CTDSP2: variants seen among roughly 807,000 people sequenced by gnomAD.
The protein encoded by CTDSP2 is CTD small phosphatase 2.
Under a neutral mutation model 31.6 loss-of-function variants are expected in CTDSP2, and 9 were observed. The observed-to-expected ratio is 0.28, with a 90% CI of 0.17 to 0.50. CTDSP2 has a LOEUF of 0.50. CTDSP2 is among the 20% of genes least tolerant of loss of function. The pLI is 0.98. For missense variants in CTDSP2, 267 were observed against 348.5 expected (o/e 0.77, Z 1.86); for synonymous variants, 134 against 134.5 (o/e 1.00, Z 0.03).
intron 1 of CTDSP2, 151 bp from the exon 2 acceptor site, chr12:57,829,747 A>T (rs1956204014): frequency 1.7e-6 from 1 of 594,952 alleles, no homozygotes; most frequent in African/African-American, 1.8e-5. Flanking sequence ...TAACAGTCAA[A>T]CATACATGTT....
Position 57,846,440 on chromosome 12 carries a change from C to A in CTDSP2, c.-5G>T. ...GATGATGGAGCCGTGTTCCATCTAA[C>A]AATCCCGCGGGCCCGGGCTGGCTGG... is the stretch of plus-strand genomic sequence containing the variant. On this transcript the variant is annotated 5_prime_UTR_variant, in exon 1 of 8. Transcript: ENST00000398073. 2 of 1,592,220 alleles carry A rather than the reference C, an allele frequency of 1.3e-6. No homozygotes were observed. The highest frequency in any genetic ancestry group is 8.5e-7 in the Non-Finnish European group (1 of 1,170,298).
intron 1 of CTDSP2, among the ~76,000 whole-genome samples, chr12:57,830,991 G>A (rs932909165): frequency 6.0e-5 from 9 of 149,980 alleles, no homozygotes; most frequent in African/African-American, 1.5e-4. Context: ...CAGGTGATCC[G>A]CCCATCTCGG....
intron 1 of CTDSP2, among the ~76,000 whole-genome samples, chr12:57,832,524 GC>G (rs1206846839): frequency 6.6e-6 from 1 of 152,030 alleles, no homozygotes; most frequent in African/African-American, 2.4e-5. Flanking sequence ...GGTCGTGGTG[GC>G]TCACACCTGA....
chr12:57,827,497 G>A (rs1442670471), intron 3 of CTDSP2, 55 bp downstream of exon 3: 3 of 1,594,772 alleles, frequency 1.9e-6, no homozygotes, highest in South Asian at 1.1e-5. Flanking sequence ...CCGTGGAGCT[G>A]GCAGGGATCA....
At chr12:57,828,237 T>C (rs1348788758) in intron 2 of CTDSP2, among the ~76,000 whole-genome samples, 1 of 152,090 alleles carries the variant, frequency 6.6e-6, no homozygotes, top group Non-Finnish European at 1.5e-5. Flanking sequence ...CTGATCAACA[T>C]GGAGAAACTC....
At chr12:57,830,829 A>G (rs1342389681) in intron 1 of CTDSP2, among the ~76,000 whole-genome samples, 3 of 151,326 alleles carry the variant, frequency 2.0e-5, no homozygotes, top group African/African-American at 7.3e-5. Flanking sequence ...GCTCACCACA[A>G]CCTCCACCTC....
intron 1 of CTDSP2, among the ~76,000 whole-genome samples, chr12:57,834,865 G>A (rs1253126621): frequency 6.6e-6 from 1 of 152,202 alleles, no homozygotes; most frequent in Non-Finnish European, 1.5e-5. Flanking sequence ...GCTCATGCCT[G>A]TAATCCCAGC....
intron 1 of CTDSP2, among the ~76,000 whole-genome samples, chr12:57,845,884 G>A (rs1956312479): frequency 6.6e-6 from 1 of 152,080 alleles, no homozygotes; most frequent in Non-Finnish European, 1.5e-5. Flanking sequence ...CGCCGTCACC[G>A]CCAGCTAGCT....
At chr12:57,832,653 G>A (rs371245521) in intron 1 of CTDSP2, among the ~76,000 whole-genome samples, 33 of 151,846 alleles carry the variant, frequency 2.2e-4, no homozygotes, top group Admixed American at 5.9e-4. Flanking sequence ...GTAGCCGGGC[G>A]TAGTGGCACA....
At chr12:57,845,815 TC>T (rs1045046790) in intron 1 of CTDSP2, among the ~76,000 whole-genome samples, 81 of 151,064 alleles carry the variant, frequency 5.4e-4, no homozygotes, top group African/African-American at 1.9e-3. Context: ...CCCGGGCCCC[TC>T]CCCCACCGCG....
At chr12:57,824,568 C>A (rs776836947) in intron 5 of CTDSP2, 1 of 662,288 alleles carries the variant, frequency 1.5e-6, no homozygotes, top group Admixed American at 1.8e-5. Flanking sequence ...GCGCACACAC[C>A]ATGTCCCAGG....
chr12:57,844,786 G>A (rs1956303861), intron 1 of CTDSP2, among the ~76,000 whole-genome samples: 1 of 152,050 alleles, frequency 6.6e-6, no homozygotes, highest in South Asian at 2.1e-4. Flanking sequence ...ACCGAGGTCA[G>A]GGAGGCCGGA....
At chr12:57,831,009 A>G (rs1956212086) in intron 1 of CTDSP2, among the ~76,000 whole-genome samples, 1 of 151,148 alleles carries the variant, frequency 6.6e-6, no homozygotes. Flanking sequence ...CGGCCTTCCA[A>G]AGTGCTGGGA....
At chr12:57,826,255 G>A in intron 5 of CTDSP2, 91 bp downstream of exon 5, 1 of 1,022,170 alleles carries the variant, frequency 9.8e-7, no homozygotes, top group Non-Finnish European at 1.5e-6. Flanking sequence ...CAGAACCCAA[G>A]CCCTGAGATG....
Position 57,823,138 on chromosome 12 carries a change from C to G in CTDSP2, c.*464G>C, listed in dbSNP as rs1044471282. 1 of 167,630 alleles carries G rather than the reference C, an allele frequency of 6.0e-6. No homozygotes were observed. The highest frequency in any genetic ancestry group is 2.4e-5 in the African/African-American group (1 of 42,106). The allele number at this position is 167,630 out of a possible 1,614,324, so 10.4% of individuals were successfully genotyped here. ...GGTGTGTGCCTGGAGTACCCAAAGG[C>G]ATACCCTTCCTTTATCCTTGGCATA... On this transcript the variant is annotated 3_prime_UTR_variant, in exon 8 of 8. Transcript: ENST00000398073.
chr12:57,837,971 G>C (rs957337379), intron 1 of CTDSP2, among the ~76,000 whole-genome samples: 2 of 152,134 alleles, frequency 1.3e-5, no homozygotes, highest in Non-Finnish European at 1.5e-5. Context: ...TCTGTTCTCT[G>C]ACCTCAGCTA....
chr12:57,823,896 G>A lies in CTDSP2; in HGVS notation c.690+8C>T. 2 of 1,613,846 alleles carry A rather than the reference G, an allele frequency of 1.2e-6. No individual in the cohort carries two copies. Among genetic ancestry groups the A allele is most frequent in the Non-Finnish European group, 1.7e-6 (2 of 1,179,946 alleles). ...TCCCTACCGTGGAGACGCATCAGGA[G>A]CACTCACTGCATTCTCGGGGTGGAA... On this transcript the variant is annotated splice_region_variant and intron_variant, in intron 7 of 7. Transcript: ENST00000398073.
At chr12:57,841,906 C>T (rs1956284849) in intron 1 of CTDSP2, among the ~76,000 whole-genome samples, 1 of 152,142 alleles carries the variant, frequency 6.6e-6, no homozygotes, top group Non-Finnish European at 1.5e-5. Context: ...ATAAGTTACT[C>T]AGAATACTAA....
intron 1 of CTDSP2, among the ~76,000 whole-genome samples, chr12:57,844,261 A>C (rs909637928): frequency 2.6e-5 from 4 of 152,218 alleles, no homozygotes; most frequent in South Asian, 4.1e-4. Context: ...CACACACACA[A>C]AAAAGGAGAA....
Sources: allele counts gnomAD v4.1 joint callset (sites outside exome capture counted in the v4.1 genomes callset), GRCh38; gene constraint gnomAD v4.1.1; transcripts MANE v1.5; gene names NCBI Gene and HGNC (gene_info 2026-07-23, HGNC 2026-07-21).